The following HSD11B1 variants were observed in gnomAD, a reference collection of about 807,000 sequenced individuals.
The protein encoded by HSD11B1 is hydroxysteroid 11-beta dehydrogenase 1.
HSD11B1 carries 15 observed loss-of-function variants against 22.1 expected under a neutral mutation model. That is an observed-to-expected ratio of 0.68 (90% CI 0.45 to 1.04). HSD11B1 has a LOEUF of 1.04. HSD11B1 is among the 50% of genes least tolerant of loss of function. The probability of loss-of-function intolerance (pLI) is 0.00; values close to 1 mark genes in which losing one functional copy is unlikely to be tolerated. For missense variants in HSD11B1, 281 were observed against 357.6 expected, an observed-to-expected ratio of 0.79 and a Z score of 1.73; for synonymous variants, 122 against 125.2, an observed-to-expected ratio of 0.97 and a Z score of 0.17.
At chr1:209,733,272 C>T (rs1489903851) in intron 5 of HSD11B1, among the ~76,000 whole-genome samples, 1 of 152,100 alleles carries the variant, frequency 6.6e-6, no homozygotes, top group Non-Finnish European at 1.5e-5. Flanking sequence ...GGTGTTCTTG[C>T]CAAAATACAT....
At chr1:209,689,600 A>G (rs924694495) in intron 1 of HSD11B1, among the ~76,000 whole-genome samples, 4 of 152,158 alleles carry the variant, frequency 2.6e-5, no homozygotes, top group Non-Finnish European at 4.4e-5. Context: ...CATAGTAATG[A>G]GTGAATTCTT....
In HSD11B1 at chr1:209,710,004, C is replaced by T. The variant is rs116434075; in HGVS notation, c.517+2876C>T. ...ACTCATTCCCTCTCACATTCAAGGT[C>T]CATCACAAAAAACAAAGTCCTTCCA... On this transcript the variant is annotated intron_variant, in intron 4 of 5. Coordinates refer to ENST00000367027, the MANE Select transcript of HSD11B1 (RefSeq NM_005525.4). 8.0e-3 allele frequency among the ~76,000 whole-genome samples: 1,206 copies of T among 151,542 alleles called. 3 individuals carry two copies. Among genetic ancestry groups the T allele is most frequent in the Non-Finnish European group, 0.014 (968 of 67,906 alleles).
At chr1:209,705,778 G>A in intron 1 of HSD11B1, 33 bp from the exon 2 acceptor site, 4 of 1,612,510 alleles carry the variant, frequency 2.5e-6, no homozygotes, top group Non-Finnish European at 3.4e-6. Flanking sequence ...GCCAACTTGG[G>A]TATGGTCCTC....
In HSD11B1 at chr1:209,721,482, A is replaced by AAAAG. The variant is rs1553291180; in HGVS notation, c.518-10951_518-10950insGAAA. 1.6e-3 allele frequency among the ~76,000 whole-genome samples: 237 copies of AAAAG among 151,892 alleles called. 5 individuals are homozygous for AAAAG. Among genetic ancestry groups the AAAAG allele is most frequent in the African/African-American group, 5.5e-3 (227 of 41,342 alleles). On this transcript the variant is annotated intron_variant, in intron 4 of 5. Coordinates refer to ENST00000367027, the MANE Select transcript of HSD11B1 (RefSeq NM_005525.4). ...TTATTTCAAAAGCAAAAAAAAAAAA[A>AAAAG]AAAAATCCCCATCCTGGGAGTCTAG...
chr1:209,714,638 T>C (rs915462811), intron 4 of HSD11B1, among the ~76,000 whole-genome samples: 1 of 152,180 alleles, frequency 6.6e-6, no homozygotes, highest in African/African-American at 2.4e-5. Context: ...TATTGGCCTT[T>C]GGTGAGGGAC....
intron 1 of HSD11B1, 47 bp downstream of exon 1, chr1:209,705,077 C>T: frequency 6.9e-7 from 1 of 1,445,938 alleles, no homozygotes; most frequent in Non-Finnish European, 9.7e-7. Flanking sequence ...TTAAAAAACA[C>T]AGGGGTGCTT....
chr1:209,692,607 CGG>C lies in HSD11B1; in HGVS notation c.-49+6332_-49+6333del, dbSNP rs796545462. On this transcript the variant is annotated intron_variant, in intron 1 of 6. Transcript: ENST00000261465. ...ATCAAGGAATCGGGTATTAAAATGG[CGG>C]GGGGGGGGGTGGGGGCTCGGTTCTT... is the stretch of plus-strand genomic sequence containing the variant. Among the ~76,000 whole-genome samples the C allele has an allele frequency of 3.1e-4, 15 of 48,252 alleles. 1 individual carries two copies. In the South Asian group the frequency reaches 6.5e-3, roughly 21 times the overall value. The allele number at this position is 48,252 out of a possible 152,430, so 31.7% of individuals were successfully genotyped here.
upstream of HSD11B1, among the ~76,000 whole-genome samples, chr1:209,702,995 G>T (rs2076834351): frequency 6.6e-6 from 1 of 152,098 alleles, no homozygotes; most frequent in Non-Finnish European, 1.5e-5. Context: ...GTGTCTTTGG[G>T]TTTAAATGTG....
At chr1:209,726,774 AC>A (rs2077005566) in intron 4 of HSD11B1, among the ~76,000 whole-genome samples, 1 of 152,182 alleles carries the variant, frequency 6.6e-6, no homozygotes, top group Non-Finnish European at 1.5e-5. Flanking sequence ...CTTGAGCATA[AC>A]CTGAGGCATA....
intron 4 of HSD11B1, among the ~76,000 whole-genome samples, chr1:209,709,428 G>A (rs1226135386): frequency 6.6e-6 from 1 of 152,114 alleles, no homozygotes; most frequent in Non-Finnish European, 1.5e-5. Flanking sequence ...GTAACATCCC[G>A]TTACATTGAT....
At chr1:209,719,278 A>G (rs2102387422) in intron 4 of HSD11B1, among the ~76,000 whole-genome samples, 1 of 152,248 alleles carries the variant, frequency 6.6e-6, no homozygotes, top group South Asian at 2.1e-4. Flanking sequence ...ACATCATGCA[A>G]AGGGAAATAA....
chr1:209,707,707 A>G (rs1282429008), intron 4 of HSD11B1, among the ~76,000 whole-genome samples: 2 of 151,788 alleles, frequency 1.3e-5, no homozygotes, highest in Non-Finnish European at 2.9e-5. Flanking sequence ...TCTACAAAGG[A>G]AGGTTGAAGG....
intron 4 of HSD11B1, among the ~76,000 whole-genome samples, chr1:209,720,218 G>A (rs2076956885): frequency 6.6e-6 from 1 of 152,178 alleles, no homozygotes; most frequent in Non-Finnish European, 1.5e-5. Flanking sequence ...TGATTCAAAT[G>A]ATCATGGTTT....
In HSD11B1 at chr1:209,686,287, T is replaced by C. The variant is rs1225430448; in HGVS notation, c.-49+2T>C. The C allele has an allele frequency of 1.3e-5, 2 of 152,172 alleles. No individual in the cohort carries two copies. Among genetic ancestry groups the C allele is most frequent in the Non-Finnish European group, 2.9e-5 (2 of 68,028 alleles). 9.4% of individuals were successfully genotyped at this position (152,172 alleles called of 1,614,324 possible). ...GTCAGATTTGTTCGAAATCTTGAGG[T>C]AAGACTTTTAAAAATCACATTATAT... On this transcript the variant is annotated splice_donor_variant, in intron 1 of 6. Coordinates refer to the HSD11B1 transcript ENST00000261465. LOFTEE classifies it low-confidence loss of function (5UTR_SPLICE).
chr1:209,727,354 T>C (rs1213631910), intron 4 of HSD11B1, among the ~76,000 whole-genome samples: 1 of 152,260 alleles, frequency 6.6e-6, no homozygotes, highest in Non-Finnish European at 1.5e-5. Flanking sequence ...AGTCTTACGC[T>C]ACCAAGTTTG....
chr1:209,694,256 C>T (rs1250720330), intron 1 of HSD11B1, among the ~76,000 whole-genome samples: 1 of 152,178 alleles, frequency 6.6e-6, no homozygotes, highest in Admixed American at 6.5e-5. Flanking sequence ...TCATCCATTA[C>T]ACACTCAAAA....
At chr1:209,693,642 T>C (rs1330013795) in intron 1 of HSD11B1, among the ~76,000 whole-genome samples, 1 of 152,264 alleles carries the variant, frequency 6.6e-6, no homozygotes, top group Non-Finnish European at 1.5e-5. Context: ...TTTTAGATTC[T>C]ACTGGATCTT....
In HSD11B1 at chr1:209,713,307, G is replaced by T. The variant is rs183191456; in HGVS notation, c.517+6179G>T. ...AGGACATTTTCCAAAATATTAGCAT[G>T]ATTATATCTAAATTACAGAACAATG... On this transcript the variant is annotated intron_variant, in intron 4 of 5. Transcript: ENST00000367027. 2.0e-3 allele frequency among the ~76,000 whole-genome samples: 312 copies of T among 152,224 alleles called. 3 individuals carry two copies. The highest frequency in any genetic ancestry group is 0.019 in the South Asian group (92 of 4,820).
intron 1 of HSD11B1, among the ~76,000 whole-genome samples, chr1:209,687,318 G>T (rs191266023): frequency 2.0e-5 from 3 of 152,298 alleles, no homozygotes; most frequent in South Asian, 4.1e-4. Context: ...GTTTGTGTGA[G>T]TTCATCAGAG....
Sources: gnomAD v4.1 joint callset for allele counts (sites outside exome capture counted in the v4.1 genomes callset) on GRCh38, gnomAD v4.1.1 for gene constraint, MANE v1.5 for transcripts, NCBI Gene and HGNC (gene_info 2026-07-23, HGNC 2026-07-21) for gene names.